The following NUP214 variants were observed in gnomAD, a reference collection of about 807,000 sequenced individuals.
NUP214 encodes nucleoporin 214.
A neutral mutation model predicts 196.2 loss-of-function variants in NUP214; 79 were observed. That is an observed-to-expected ratio of 0.40 (90% CI 0.34 to 0.49). The LOEUF is 0.49. Among genes scored for constraint, NUP214 ranks in the 20% least tolerant of loss-of-function variants. The probability of loss-of-function intolerance (pLI) is 0.58; values close to 1 mark genes in which losing one functional copy is unlikely to be tolerated. For synonymous variants in NUP214, 1,020 were observed against 990.5 expected (o/e 1.03, Z -0.56); for missense variants, 2,468 against 2,539.0 (o/e 0.97, Z 0.60).
Position 131,129,490 on chromosome 9 carries a change from G to A in NUP214, c.592+13G>A. The A allele has an allele frequency of 1.2e-6, 2 of 1,609,800 alleles. No homozygotes were observed. The highest frequency in any genetic ancestry group is 1.7e-6 in the Non-Finnish European group (2 of 1,176,016). ...GCAGTAACCTCTGGTGAGTAATAAAGGCTTTCACACTGTAGCATACAATCA... is the reference window on the plus strand; with the variant it reads ...GCAGTAACCTCTGGTGAGTAATAAAAGCTTTCACACTGTAGCATACAATCA... On this transcript the variant is annotated intron_variant, in intron 4 of 35. Coordinates refer to ENST00000359428, the MANE Select transcript of NUP214 (RefSeq NM_005085.4).
At chr9:131,159,519 A>T in intron 18 of NUP214, 33 bp downstream of exon 18, 1 of 1,473,860 alleles carries the variant, frequency 6.8e-7, no homozygotes, top group Non-Finnish European at 9.5e-7. Context: ...AATGTGTTGG[A>T]ATAGATATTG....
At position 131,128,879 on chromosome 9, in the gene NUP214, T is replaced by C. The variant is rs532833115; in HGVS notation, c.393+396T>C. 10 of 293,682 alleles carry C rather than the reference T, an allele frequency of 3.4e-5. No individual in the cohort carries two copies. The South Asian group carries it at 3.4e-4, about 10-fold the overall frequency. 18.2% of individuals were successfully genotyped at this position (293,682 alleles called of 1,614,324 possible). Reference sequence around the variant, plus strand: ...CTTTATATGCCTTGTCCCTCGTTCATGCCTACCACAGCCTTATGTAGTAGG... The same window carrying C: ...CTTTATATGCCTTGTCCCTCGTTCACGCCTACCACAGCCTTATGTAGTAGG... On this transcript the variant is annotated intron_variant, in intron 3 of 35. Coordinates refer to ENST00000359428, the MANE Select transcript of NUP214 (RefSeq NM_005085.4).
Position 131,162,712 on chromosome 9 carries a change from T to C in NUP214, c.2541-279T>C. 3 of 386,508 alleles carry C rather than the reference T, an allele frequency of 7.8e-6. 1 individual carries two copies. The South Asian group carries it at 9.3e-5, about 12-fold the overall frequency. 23.9% of individuals were successfully genotyped at this position (386,508 alleles called of 1,614,324 possible). On this transcript the variant is annotated intron_variant, in intron 18 of 35. Transcript: ENST00000359428. ...GACTCACACCTCACTCCTGCCCTTT[T>C]CTTCCCAGGGCCTCTCTCAGGTTTC...
chr9:131,209,330 A>G (rs1181655656), intron 30 of NUP214, among the ~76,000 whole-genome samples: 1 of 152,154 alleles, frequency 6.6e-6, no homozygotes, highest in Non-Finnish European at 1.5e-5. Context: ...GCAGTGAGCT[A>G]TGTTCCTATC....
chr9:131,197,033 G>A (rs1230653307), intron 28 of NUP214, among the ~76,000 whole-genome samples, 183 bp from the exon 29 acceptor site: 7 of 152,142 alleles, frequency 4.6e-5, no homozygotes, highest in Admixed American at 4.6e-4. Flanking sequence ...AGACGACTCA[G>A]AGCTGATGTT....
At chr9:131,202,951 TA>T (rs1357787067) in intron 30 of NUP214, among the ~76,000 whole-genome samples, 1 of 150,850 alleles carries the variant, frequency 6.6e-6, no homozygotes, top group East Asian at 1.9e-4. Context: ...TTTATTTACT[TA>T]TTTTTTTTTT....
Position 131,147,478 on chromosome 9 carries a change from T to G in NUP214, c.1946-12T>G. 1 of 1,593,110 alleles carries G rather than the reference T, an allele frequency of 6.3e-7. No homozygotes were observed. Reference sequence around the variant, plus strand: ...AATGCCATCTATTTTAACTGACTTCTTTTTCAAGCAGGACGATCTGCTCAG... The same window carrying G: ...AATGCCATCTATTTTAACTGACTTCGTTTTCAAGCAGGACGATCTGCTCAG... On this transcript the variant is annotated splice_polypyrimidine_tract_variant and intron_variant, in intron 13 of 35. Transcript: ENST00000359428.
intron 9 of NUP214, 76 bp from the exon 10 acceptor site, chr9:131,139,205 C>T (rs62580392): frequency 1.1e-4 from 146 of 1,368,540 alleles, no homozygotes; most frequent in Non-Finnish European, 1.4e-4. Context: ...TAGGAGGAAC[C>T]AATGCAAAGC....
At position 131,150,895 on chromosome 9, in the gene NUP214, G is replaced by A. The variant is rs113999087; in HGVS notation, c.2277+130G>A. The A allele has an allele frequency of 4.2e-4, 358 of 852,666 alleles. No individual in the cohort carries two copies. In the African/African-American group the frequency reaches 5.5e-3, roughly 13 times the overall value. The allele number at this position is 852,666 out of a possible 1,614,324, so 52.8% of individuals were successfully genotyped here. On this transcript the variant is annotated intron_variant, in intron 16 of 35. Transcript: ENST00000359428. ...GTTGTTGTTTTTTTAACGTGGCTGA[G>A]TAGCTTGCCTAGAATCCCTGAGTTC...
chr9:131,147,519 G>A lies in NUP214; in HGVS notation c.1975G>A (p.Val659Met). 6.2e-7 allele frequency: 1 copy of A among 1,614,112 alleles called. No individual in the cohort carries two copies. The highest frequency in any genetic ancestry group is 1.1e-5 in the South Asian group (1 of 91,072). ...ATCTGCTCAGGGCAGTTCAAGCCCA[G>A]TGCCCTCAATGGTACAGAAATCACC... ...GRSAQGSSSP[V>M]PSMVQKSPRI... The change falls in exon 14 of 36, where the codon GTG becomes ATG. Residue 659 changes from valine (V) to methionine (M), a missense_variant. Physicochemically the swap from Val to Met is conservative, Grantham distance 21 (BLOSUM62 1). Coordinates refer to ENST00000359428, the MANE Select transcript of NUP214 (RefSeq NM_005085.4).
At chr9:131,165,954 T>TG (rs1832777159) in intron 21 of NUP214, among the ~76,000 whole-genome samples, 1 of 151,786 alleles carries the variant, frequency 6.6e-6, no homozygotes, top group Non-Finnish European at 1.5e-5. Flanking sequence ...AGGACTGAGG[T>TG]GGGGGGTCAT....
At chr9:131,170,571 C>T (rs1435683889) in intron 21 of NUP214, among the ~76,000 whole-genome samples, 1 of 151,988 alleles carries the variant, frequency 6.6e-6, no homozygotes, top group South Asian at 2.1e-4. Context: ...ATTTGTTGCT[C>T]TTATAATGGT....
At chr9:131,134,798 C>A in intron 7 of NUP214, 100 bp from the exon 8 acceptor site, 7 of 742,218 alleles carry the variant, frequency 9.4e-6, no homozygotes, top group Non-Finnish European at 1.6e-5. Context: ...AGTAAATATT[C>A]TCATATAACT....
intron 14 of NUP214, chr9:131,149,884 T>C (rs902098277): frequency 1.3e-5 from 2 of 158,482 alleles, no homozygotes; most frequent in Non-Finnish European, 2.8e-5. Flanking sequence ...ACCTCTGCAC[T>C]TGCCTTTCTT....
chr9:131,136,121 A>G (rs1331641522), intron 9 of NUP214, 115 bp downstream of exon 9: 4 of 794,204 alleles, frequency 5.0e-6, no homozygotes, highest in Non-Finnish European at 5.9e-6. Flanking sequence ...GCTTACTGCA[A>G]CCTCTGCCTT....
intron 9 of NUP214, among the ~76,000 whole-genome samples, chr9:131,137,946 C>T (rs1455332629): frequency 6.6e-6 from 1 of 152,164 alleles, no homozygotes; most frequent in Non-Finnish European, 1.5e-5. Context: ...TGCGTCTTCT[C>T]TTTTGTAAAA....
chr9:131,208,494 G>A (rs568454489), intron 30 of NUP214, among the ~76,000 whole-genome samples: 29 of 150,924 alleles, frequency 1.9e-4, no homozygotes, highest in African/African-American at 6.1e-4. Context: ...TCAGGAGATC[G>A]AGACCATCCT....
intron 23 of NUP214, among the ~76,000 whole-genome samples, chr9:131,176,516 A>G (rs947611492): frequency 3.9e-5 from 6 of 151,962 alleles, no homozygotes; most frequent in Non-Finnish European, 8.8e-5. Context: ...TTTTGTAGAG[A>G]CAGGATTTCA....
chr9:131,144,408 G>A lies in NUP214; in HGVS notation c.1423G>A (p.Ala475Thr), dbSNP rs1404939370. ...CATTGCCACTTTTTCTTTGCTTCCT[G>A]CTGGTGGAGCCCCCACTGTGTTCTC... ...APIATFSLLP[A>T]GGAPTVFSFG... Residue 475 changes from alanine (A) to threonine (T), a missense_variant, in exon 12 of 36, where the codon GCT (alanine) becomes ACT (threonine). By Grantham distance (58) the Ala-to-Thr change is moderately conservative. Coordinates refer to ENST00000359428, the MANE Select transcript of NUP214 (RefSeq NM_005085.4). 1.2e-6 allele frequency: 2 copies of A among 1,614,084 alleles called. No homozygotes were observed. The highest frequency in any genetic ancestry group is 2.2e-5 in the South Asian group (2 of 91,080).
Sources: allele counts gnomAD v4.1 joint callset (sites outside exome capture counted in the v4.1 genomes callset), GRCh38; gene constraint gnomAD v4.1.1; transcripts MANE v1.5; gene names NCBI Gene and HGNC (gene_info 2026-07-23, HGNC 2026-07-21).